ALDH18A1: variants seen among roughly 807,000 people sequenced by gnomAD.
ALDH18A1 encodes the protein aldehyde dehydrogenase 18 family member A1, also known as delta-1-pyrroline-5-carboxylate synthase.
Under a neutral mutation model 88.8 loss-of-function variants are expected in ALDH18A1, and 44 were observed. The ratio of observed to expected loss-of-function variants is 0.50; its 90% CI spans 0.39 to 0.64. The LOEUF (loss-of-function observed/expected upper bound fraction) is 0.64. Among genes scored for constraint, ALDH18A1 ranks in the 30% least tolerant of loss-of-function variants. The pLI is 0.00. For missense variants in ALDH18A1, 782 were observed against 1,009.5 expected (o/e 0.77, Z 3.05); for synonymous variants, 331 against 372.1 (o/e 0.89, Z 1.27).
Position 95,622,502 on chromosome 10 carries a change from G to GA in ALDH18A1, c.1247-1252dup, listed in dbSNP as rs368813427. Among the ~76,000 whole-genome samples, 635 of 149,304 alleles carry GA rather than the reference G, an allele frequency of 4.3e-3. 20 individuals carry two copies. The East Asian group carries it at 0.092, about 22-fold the overall frequency. On this transcript the variant is annotated intron_variant, in intron 11 of 17. Coordinates refer to ENST00000371224, the MANE Select transcript of ALDH18A1 (RefSeq NM_002860.4). ...CTGGTATGAGCGACCATGCTTGGCT[G>GA]AAAAAAAAATAGGATTATGGCAAGC...
At chr10:95,636,769 G>A (rs2097881436) in intron 5 of ALDH18A1, among the ~76,000 whole-genome samples, 1 of 152,218 alleles carries the variant, frequency 6.6e-6, no homozygotes, top group Non-Finnish European at 1.5e-5. Flanking sequence ...GTCTTCAGAA[G>A]TGTTAGCACT....
At chr10:95,652,996 G>A (rs1307386017) in intron 2 of ALDH18A1, among the ~76,000 whole-genome samples, 1 of 151,994 alleles carries the variant, frequency 6.6e-6, no homozygotes, top group Non-Finnish European at 1.5e-5. Context: ...AGACCAGCCT[G>A]GGCAACATGG....
At chr10:95,655,235 T>C (rs1282751371) in intron 1 of ALDH18A1, among the ~76,000 whole-genome samples, 9 of 152,270 alleles carry the variant, frequency 5.9e-5, no homozygotes. Context: ...TCTAAGCCTC[T>C]GTTTCCTCAC....
At chr10:95,649,887 T>TAAA (rs74369926) in intron 2 of ALDH18A1, among the ~76,000 whole-genome samples, 2 of 125,224 alleles carry the variant, frequency 1.6e-5, no homozygotes, top group East Asian at 4.6e-4. Context: ...TCTCAAAAAA[T>TAAA]AAAAAAAAAA....
chr10:95,642,951 A>C, intron 3 of ALDH18A1, 41 bp downstream of exon 3: 1 of 1,606,304 alleles, frequency 6.2e-7, no homozygotes, highest in Non-Finnish European at 8.5e-7. Flanking sequence ...CGACTTAAAA[A>C]CCCAATTTTA....
intron 5 of ALDH18A1, 76 bp from the exon 6 acceptor site, chr10:95,633,725 A>G (rs1196820366): frequency 1.3e-6 from 2 of 1,521,566 alleles, no homozygotes; most frequent in Non-Finnish European, 1.8e-6. Context: ...AGACGCTAAG[A>G]GCAGGGGAGT....
At position 95,639,949 on chromosome 10, in the gene ALDH18A1, A is replaced by G. The variant is rs192684095; in HGVS notation, c.304-2513T>C. Among the ~76,000 whole-genome samples, 7 of 151,176 alleles carry G rather than the reference A, an allele frequency of 4.6e-5. No individual in the cohort carries two copies. The East Asian group carries it at 1.4e-3, about 29-fold the overall frequency. The stretch of plus-strand genomic sequence containing the variant: ...TTTTTTTTTTCCCCAACAAGTCTTT[A>G]TAAGTTGTGGTGTACATGTTCATCA... On this transcript the variant is annotated intron_variant, in intron 3 of 17. Coordinates refer to ENST00000371224, the MANE Select transcript of ALDH18A1 (RefSeq NM_002860.4).
chr10:95,620,909 T>C, intron 12 of ALDH18A1, 122 bp downstream of exon 12: 2 of 974,334 alleles, frequency 2.1e-6, no homozygotes, highest in Non-Finnish European at 3.1e-6. Flanking sequence ...CTGCACGTTG[T>C]GCACATGTAC....
rs55659918 is a variant in ALDH18A1 at position 95,609,769 on chromosome 10, ATTTT to A, written c.2206+424_2206+427del. Among the ~76,000 whole-genome samples the A allele has an allele frequency of 2.2e-4, 25 of 114,222 alleles. No homozygotes were observed. In the East Asian group the frequency reaches 2.9e-3, roughly 13 times the overall value. The allele number at this position is 114,222 out of a possible 152,430, so 74.9% of individuals were successfully genotyped here. ...CCTACCTTGCCAGAAGTCTGTCTCT[ATTTT>A]TTTTTTTTTTTTGAGATGGTGTCTC... On this transcript the variant is annotated intron_variant, in intron 17 of 17. Coordinates refer to ENST00000371224, the MANE Select transcript of ALDH18A1 (RefSeq NM_002860.4).
At chr10:95,607,475 AGGG>A (rs2097824913) in intron 17 of ALDH18A1, among the ~76,000 whole-genome samples, 1 of 152,120 alleles carries the variant, frequency 6.6e-6, no homozygotes, top group Admixed American at 6.5e-5. Flanking sequence ...AGGGAACGTC[AGGG>A]GTTTTCCTGG....
intron 12 of ALDH18A1, among the ~76,000 whole-genome samples, chr10:95,619,998 G>A (rs796237612): frequency 2.0e-5 from 3 of 152,044 alleles, no homozygotes; most frequent in Admixed American, 1.3e-4. Context: ...AGAGTGAACA[G>A]GCAACCTACA....
intron 2 of ALDH18A1, among the ~76,000 whole-genome samples, chr10:95,652,874 TTC>T (rs957799808): frequency 2.6e-5 from 4 of 151,816 alleles, no homozygotes; most frequent in Admixed American, 2.0e-4. Context: ...CATCTTTTTT[TTC>T]TCTCTCTCTC....
chr10:95,626,124 T>C (rs183181831), intron 10 of ALDH18A1, among the ~76,000 whole-genome samples: 33 of 152,222 alleles, frequency 2.2e-4, no homozygotes, highest in Non-Finnish European at 2.1e-4. Context: ...TTCTCTGCCA[T>C]TGGAGTTACT....
At chr10:95,622,264 C>G (rs2139573097) in intron 11 of ALDH18A1, among the ~76,000 whole-genome samples, 1 of 152,268 alleles carries the variant, frequency 6.6e-6, no homozygotes, top group East Asian at 1.9e-4. Context: ...GTGGTGCAAT[C>G]ATAGCTCACT....
intron 15 of ALDH18A1, among the ~76,000 whole-genome samples, chr10:95,613,436 G>GACA (rs201936822): frequency 6.6e-6 from 1 of 152,004 alleles, no homozygotes; most frequent in Non-Finnish European, 1.5e-5. Context: ...GGAACACCTT[G>GACA]CATATATAAG....
chr10:95,633,431 G>A, intron 6 of ALDH18A1, 60 bp downstream of exon 6: 2 of 1,594,174 alleles, frequency 1.3e-6, no homozygotes, highest in South Asian at 1.1e-5. Flanking sequence ...GTTAGTGCAT[G>A]CAGCATAGCA....
chr10:95,643,342 A>G, intron 2 of ALDH18A1, 136 bp from the exon 3 acceptor site: 1 of 891,332 alleles, frequency 1.1e-6, no homozygotes, highest in East Asian at 2.6e-5. Context: ...TAAAACTAGC[A>G]CAGTGTATCA....
At chr10:95,640,089 A>G (rs771241968) in intron 3 of ALDH18A1, among the ~76,000 whole-genome samples, 8 of 152,216 alleles carry the variant, frequency 5.3e-5, no homozygotes, top group African/African-American at 1.7e-4. Context: ...CTCTAACTCA[A>G]TGATTCCTTC....
chr10:95,629,744 C>CCCA (rs1290176663), intron 7 of ALDH18A1, among the ~76,000 whole-genome samples: 2 of 151,894 alleles, frequency 1.3e-5, no homozygotes, highest in Non-Finnish European at 2.9e-5. Context: ...TTCCCCTTAC[C>CCCA]CCACCAAGAG....
Sources: allele counts gnomAD v4.1 joint callset (sites outside exome capture counted in the v4.1 genomes callset), GRCh38; gene constraint gnomAD v4.1.1; transcripts MANE v1.5; gene names NCBI Gene and HGNC (gene_info 2026-07-23, HGNC 2026-07-21).